The following RALGAPA2 variants were observed in gnomAD, a reference collection of about 807,000 sequenced individuals.
RALGAPA2 encodes Ral GTPase activating protein catalytic subunit alpha 2, also known as ral GTPase-activating protein subunit alpha-2.
Under a neutral mutation model 230.4 loss-of-function variants are expected in RALGAPA2, and 139 were observed. The ratio of observed to expected loss-of-function variants is 0.60; its 90% CI spans 0.53 to 0.69. The LOEUF (loss-of-function observed/expected upper bound fraction) is 0.69, where lower values mean the gene tolerates loss of function less well. RALGAPA2 is among the 30% of genes least tolerant of loss of function. RALGAPA2 has a pLI of 0.00. For synonymous variants in RALGAPA2, 847 were observed against 837.8 expected, an observed-to-expected ratio of 1.01 and a Z score of -0.19; for missense variants, 2,163 against 2,276.0, an observed-to-expected ratio of 0.95 and a Z score of 1.01.
At chr20:20,473,724 C>CT (rs2061588818) in intron 36 of RALGAPA2, among the ~76,000 whole-genome samples, 3 of 152,166 alleles carry the variant, frequency 2.0e-5, no homozygotes, top group African/African-American at 2.4e-5. Context: ...CTGTGCTTGC[C>CT]TTTTTTGGAT....
chr20:20,496,185 A>G (rs140570005), intron 35 of RALGAPA2, among the ~76,000 whole-genome samples: 395 of 151,300 alleles, frequency 2.6e-3, no homozygotes, highest in African/African-American at 9.4e-3. Context: ...GCTGTAAAGA[A>G]CAAAAACAAA....
At chr20:20,404,896 C>T (rs1167331305) in intron 38 of RALGAPA2, among the ~76,000 whole-genome samples, 1 of 152,234 alleles carries the variant, frequency 6.6e-6, no homozygotes, top group Admixed American at 6.5e-5. Flanking sequence ...TGAATGATCT[C>T]AGGCCGCTTC....
chr20:20,461,384 C>T (rs192884104), intron 37 of RALGAPA2, among the ~76,000 whole-genome samples: 1 of 152,244 alleles, frequency 6.6e-6, no homozygotes, highest in East Asian at 1.9e-4. Context: ...TTCAATTTAA[C>T]TGAGTTCAAT....
chr20:20,445,462 C>T lies in RALGAPA2; in HGVS notation c.5495+27367G>A, dbSNP rs74822987. Reference sequence around the variant, plus strand: ...TGGAACTGGAAGCTGGGGAGATCCCCCACGGAATCTAATCTGGCCTTTGGC... The same window carrying T: ...TGGAACTGGAAGCTGGGGAGATCCCTCACGGAATCTAATCTGGCCTTTGGC... On this transcript the variant is annotated intron_variant, in intron 37 of 39. Coordinates refer to ENST00000202677, the MANE Select transcript of RALGAPA2 (RefSeq NM_020343.4). Among the ~76,000 whole-genome samples the T allele has an allele frequency of 1.4e-4, 21 of 152,286 alleles. No individual in the cohort carries two copies. In the East Asian group the frequency reaches 4.0e-3, roughly 29 times the overall value.
chr20:20,493,589 T>C (rs2062123207), intron 36 of RALGAPA2, among the ~76,000 whole-genome samples: 1 of 152,230 alleles, frequency 6.6e-6, no homozygotes, highest in Admixed American at 6.5e-5. Context: ...GTGACATTTT[T>C]AGGACATTAA....
intron 36 of RALGAPA2, among the ~76,000 whole-genome samples, chr20:20,483,518 T>C (rs893005039): frequency 1.3e-5 from 2 of 152,062 alleles, no homozygotes; most frequent in Non-Finnish European, 1.5e-5. Flanking sequence ...CAGGTAAAAT[T>C]TCCTCATCAC....
chr20:20,623,344 AT>A (rs2066380789), intron 10 of RALGAPA2, among the ~76,000 whole-genome samples: 1 of 152,162 alleles, frequency 6.6e-6, no homozygotes, highest in Non-Finnish European at 1.5e-5. Flanking sequence ...AATAGACAAG[AT>A]AGACTTTGCG....
At chr20:20,681,605 T>C (rs1486976967) in intron 1 of RALGAPA2, among the ~76,000 whole-genome samples, 1 of 152,214 alleles carries the variant, frequency 6.6e-6, no homozygotes, top group Non-Finnish European at 1.5e-5. Flanking sequence ...TACATTTTCC[T>C]CAGTAAACAA....
At chr20:20,423,854 T>G (rs954548602) in intron 37 of RALGAPA2, among the ~76,000 whole-genome samples, 3 of 152,238 alleles carry the variant, frequency 2.0e-5, no homozygotes, top group East Asian at 1.9e-4. Context: ...GTATAAGATA[T>G]TAGATTAAGT....
intron 9 of RALGAPA2, among the ~76,000 whole-genome samples, chr20:20,634,745 G>A (rs2066799926): frequency 6.6e-6 from 1 of 152,190 alleles, no homozygotes; most frequent in South Asian, 2.1e-4. Flanking sequence ...CCTTAGCGAA[G>A]TGGCTGCTCT....
chr20:20,513,131 C>G lies in RALGAPA2; in HGVS notation c.4238G>C (p.Gly1413Ala), dbSNP rs551902023. The change falls in exon 32 of 40, where the codon GGC (glycine) becomes GCC (alanine). Residue 1413 changes from glycine to alanine, a missense_variant. Transcript: ENST00000202677. The stretch of plus-strand genomic sequence containing the variant: ...GAACACCTCAAAGGACAGCTCGGAG[C>G]CTTCCACATGGGCATTGTCATGGTT... ...SENHDNAHVEGSELSFEVFRS... is the reference protein window; with the variant it reads ...SENHDNAHVEASELSFEVFRS... 6.4e-7 allele frequency: 1 copy of G among 1,567,984 alleles called. No homozygotes were observed. The highest frequency in any genetic ancestry group is 2.2e-5 in the East Asian group (1 of 44,644).
intron 1 of RALGAPA2, among the ~76,000 whole-genome samples, chr20:20,703,887 A>C (rs2147004998): frequency 6.6e-6 from 1 of 152,332 alleles, no homozygotes; most frequent in East Asian, 1.9e-4. Context: ...TGTGCTACTT[A>C]AACTGGCCTC....
intron 1 of RALGAPA2, among the ~76,000 whole-genome samples, chr20:20,711,393 C>T (rs926734923): frequency 2.0e-5 from 3 of 152,164 alleles, no homozygotes; most frequent in African/African-American, 7.2e-5. Flanking sequence ...GTGTTCTTTC[C>T]TTCGCCACCA....
chr20:20,523,926 T>A (rs1030238953), intron 30 of RALGAPA2, among the ~76,000 whole-genome samples: 23 of 152,206 alleles, frequency 1.5e-4, no homozygotes, highest in African/African-American at 5.5e-4. Flanking sequence ...CCACTGCTTC[T>A]TTACATCTGT....
chr20:20,532,641 T>C (rs1390645699), intron 26 of RALGAPA2, among the ~76,000 whole-genome samples: 1 of 152,100 alleles, frequency 6.6e-6, no homozygotes, highest in Non-Finnish European at 1.5e-5. Context: ...GTTTAATATA[T>C]AAGTCTGAAT....
intron 5 of RALGAPA2, among the ~76,000 whole-genome samples, chr20:20,643,016 T>C (rs2067092024): frequency 6.6e-6 from 1 of 152,202 alleles, no homozygotes; most frequent in Admixed American, 6.5e-5. Context: ...TTTTAACCTA[T>C]AAATCTGCCA....
chr20:20,692,709 G>A (rs1308680384), intron 1 of RALGAPA2, among the ~76,000 whole-genome samples: 1 of 152,048 alleles, frequency 6.6e-6, no homozygotes, highest in Non-Finnish European at 1.5e-5. Flanking sequence ...TTTTTTTCCT[G>A]CCTTTGGATA....
At chr20:20,671,816 G>T (rs900291190) in intron 3 of RALGAPA2, among the ~76,000 whole-genome samples, 2 of 152,120 alleles carry the variant, frequency 1.3e-5, no homozygotes, top group African/African-American at 4.8e-5. Flanking sequence ...GTCTCTGAAG[G>T]GCTTTCCTGC....
chr20:20,558,300 C>G (rs1568576948), intron 23 of RALGAPA2, among the ~76,000 whole-genome samples: 1 of 152,074 alleles, frequency 6.6e-6, no homozygotes, highest in Admixed American at 6.6e-5. Context: ...GGCACCGCGC[C>G]CAGCCTGCAC....
Sources: gnomAD v4.1 joint callset for allele counts (sites outside exome capture counted in the v4.1 genomes callset) on GRCh38, gnomAD v4.1.1 for gene constraint, MANE v1.5 for transcripts, NCBI Gene and HGNC (gene_info 2026-07-23, HGNC 2026-07-21) for gene names.